Variants in PTPRD observed in about 807,000 individuals in gnomAD.
PTPRD encodes receptor-type tyrosine-protein phosphatase delta.
PTPRD carries 34 observed loss-of-function variants against 214.5 expected under a neutral mutation model. The ratio of observed to expected loss-of-function variants is 0.16; its 90% confidence interval spans 0.12 to 0.21. The LOEUF is 0.21. PTPRD is among the 10% of genes least tolerant of loss of function. PTPRD has a pLI of 1.00. For synonymous variants in PTPRD, 1,128 were observed against 845.7 expected, an observed-to-expected ratio of 1.33 and a Z score of -5.79; for missense variants, 2,545 against 2,398.7, an observed-to-expected ratio of 1.06 and a Z score of -1.27.
At chr9:8,877,622 A>G (rs2098405556) in intron 11 of PTPRD, among the ~76,000 whole-genome samples, 1 of 152,256 alleles carries the variant, frequency 6.6e-6, no homozygotes, top group African/African-American at 2.4e-5. Flanking sequence ...TATTTACAAA[A>G]TGATAGAAGT....
chr9:9,887,524 C>G (rs1030745474), intron 5 of PTPRD, among the ~76,000 whole-genome samples: 1 of 152,098 alleles, frequency 6.6e-6, no homozygotes, highest in African/African-American at 2.4e-5. Flanking sequence ...TATGGTAAAG[C>G]CCATCATCAA....
chr9:9,098,335 C>A (rs2099786641), intron 10 of PTPRD, among the ~76,000 whole-genome samples: 1 of 152,138 alleles, frequency 6.6e-6, no homozygotes, highest in Non-Finnish European at 1.5e-5. Flanking sequence ...TGGCTCACTG[C>A]AGCCTCCGTC....
At chr9:9,257,896 A>AC (rs1166780984) in intron 9 of PTPRD, among the ~76,000 whole-genome samples, 2 of 152,030 alleles carry the variant, frequency 1.3e-5, no homozygotes, top group East Asian at 1.9e-4. Flanking sequence ...CTTTTAAAAA[A>AC]TATAGTGACT....
At chr9:8,527,145 C>T (rs902516772) in intron 16 of PTPRD, among the ~76,000 whole-genome samples, 200 bp downstream of exon 16, 3 of 120,882 alleles carry the variant, frequency 2.5e-5, no homozygotes, top group African/African-American at 3.1e-5. Context: ...TGTGCCATAA[C>T]TTGTGTACTA....
intron 9 of PTPRD, among the ~76,000 whole-genome samples, chr9:9,375,431 A>G (rs1251894975): frequency 6.6e-6 from 1 of 152,090 alleles, no homozygotes; most frequent in African/African-American, 2.4e-5. Flanking sequence ...CCCCATCTCT[A>G]CTAAAAATAT....
chr9:9,318,600 C>G (rs1402918868), intron 9 of PTPRD, among the ~76,000 whole-genome samples: 1 of 152,074 alleles, frequency 6.6e-6, no homozygotes, highest in Non-Finnish European at 1.5e-5. Context: ...CAAACGATTT[C>G]AAAGAATTTA....
intron 39 of PTPRD, among the ~76,000 whole-genome samples, chr9:8,356,471 T>C (rs2077022660): frequency 6.6e-6 from 1 of 152,216 alleles, no homozygotes; most frequent in South Asian, 2.1e-4. Flanking sequence ...AACATTATTA[T>C]TTTTTAAATG....
chr9:9,603,294 G>A (rs941888848), intron 7 of PTPRD, among the ~76,000 whole-genome samples: 3 of 152,170 alleles, frequency 2.0e-5, no homozygotes, highest in Non-Finnish European at 4.4e-5. Flanking sequence ...ATAGGCATGA[G>A]TCAGACACAT....
At chr9:8,354,726 C>T (rs898875374) in intron 39 of PTPRD, among the ~76,000 whole-genome samples, 50 of 152,178 alleles carry the variant, frequency 3.3e-4, no homozygotes, top group African/African-American at 1.1e-3. Flanking sequence ...CTTGGGTCCA[C>T]GTCTCCCCTT....
At chr9:8,773,219 G>A (rs2095310745) in intron 11 of PTPRD, among the ~76,000 whole-genome samples, 2 of 152,116 alleles carry the variant, frequency 1.3e-5, no homozygotes, top group African/African-American at 4.8e-5. Context: ...GCACTCTCTT[G>A]AATATCAACC....
At chr9:8,667,945 T>TA (rs1019120719) in intron 12 of PTPRD, among the ~76,000 whole-genome samples, 9 of 151,858 alleles carry the variant, frequency 5.9e-5, no homozygotes, top group African/African-American at 1.5e-4. Context: ...AGTTGCCCAG[T>TA]AAAAAATAAT....
At chr9:10,181,598 G>A (rs1282474046) in intron 3 of PTPRD, among the ~76,000 whole-genome samples, 3 of 151,678 alleles carry the variant, frequency 2.0e-5, no homozygotes, top group Non-Finnish European at 2.9e-5. Context: ...AGCAAAAATA[G>A]AGAACTGATT....
At chr9:10,579,463 T>G (rs555290862) in intron 2 of PTPRD, among the ~76,000 whole-genome samples, 2 of 152,338 alleles carry the variant, frequency 1.3e-5, no homozygotes, top group East Asian at 3.9e-4. Context: ...TTTTTATGGC[T>G]GCATAGCATT....
chr9:10,321,483 T>A (rs1189917901), intron 3 of PTPRD, among the ~76,000 whole-genome samples: 2 of 151,940 alleles, frequency 1.3e-5, no homozygotes, highest in Non-Finnish European at 2.9e-5. Flanking sequence ...GTTTGGAAGA[T>A]AAGATAAACA....
At chr9:9,588,422 G>C (rs1015543349) in intron 7 of PTPRD, among the ~76,000 whole-genome samples, 1 of 151,906 alleles carries the variant, frequency 6.6e-6, no homozygotes, top group Non-Finnish European at 1.5e-5. Context: ...GTCTCTGGGA[G>C]AACAGCCAAT....
intron 3 of PTPRD, among the ~76,000 whole-genome samples, chr9:10,141,681 G>A (rs1338317950): frequency 2.6e-5 from 4 of 151,932 alleles, no homozygotes; most frequent in African/African-American, 4.8e-5. Flanking sequence ...ACTGCCCAAG[G>A]TAATTTACAG....
intron 10 of PTPRD, among the ~76,000 whole-genome samples, chr9:9,055,676 T>G (rs2099694867): frequency 1.3e-5 from 2 of 151,912 alleles, no homozygotes; most frequent in Non-Finnish European, 2.9e-5. Context: ...AACAGTGACT[T>G]TAAAATGTGA....
chr9:8,357,814 A>C (rs12685429), intron 39 of PTPRD, among the ~76,000 whole-genome samples: 8,521 of 152,098 alleles, frequency 0.056, 627 homozygotes, highest in African/African-American at 0.17. Flanking sequence ...ACTAGGCATA[A>C]TGCTAATTAC....
intron 8 of PTPRD, among the ~76,000 whole-genome samples, chr9:9,501,110 C>A (rs1175754255): frequency 2.0e-5 from 3 of 150,534 alleles, no homozygotes; most frequent in African/African-American, 4.9e-5. Context: ...ATTAATGGGC[C>A]AAAAAAACAA....
Sources: allele counts gnomAD v4.1 joint callset (sites outside exome capture counted in the v4.1 genomes callset), GRCh38; gene constraint gnomAD v4.1.1; transcripts MANE v1.5; gene names NCBI Gene and HGNC (gene_info 2026-07-23, HGNC 2026-07-21).